Variants in SLC25A26 observed in about 807,000 individuals in gnomAD.
SLC25A26 encodes the protein mitochondrial S-adenosylmethionine carrier protein.
A neutral mutation model predicts 37.8 loss-of-function variants in SLC25A26; 36 were observed. That is an observed-to-expected ratio of 0.95 (90% CI 0.73 to 1.26). The LOEUF (loss-of-function observed/expected upper bound fraction) is 1.26. SLC25A26 is among the 50% of genes most tolerant of loss of function. SLC25A26 has a pLI of 0.00. For synonymous variants in SLC25A26, 129 were observed against 122.5 expected, an observed-to-expected ratio of 1.05 and a Z score of -0.35; for missense variants, 390 against 331.1, an observed-to-expected ratio of 1.18 and a Z score of -1.38.
intron 5 of SLC25A26, among the ~76,000 whole-genome samples, chr3:66,279,700 G>A (rs1299643472): frequency 6.6e-6 from 1 of 152,132 alleles, no homozygotes; most frequent in Non-Finnish European, 1.5e-5. Context: ...AAAGTATTTT[G>A]ATCTTATTAG....
chr3:66,175,855 T>G (rs542228945), intron 1 of SLC25A26, among the ~76,000 whole-genome samples: 59 of 152,346 alleles, frequency 3.9e-4, no homozygotes, highest in Middle Eastern at 6.8e-3. Flanking sequence ...CTCAGTGCAC[T>G]GGTTTAAATG....
intron 3 of SLC25A26, among the ~76,000 whole-genome samples, chr3:66,249,514 T>C (rs1292855887): frequency 6.6e-6 from 1 of 152,220 alleles, no homozygotes; most frequent in African/African-American, 2.4e-5. Flanking sequence ...CTACTTAATA[T>C]CATGCTTTAA....
In SLC25A26 at chr3:66,378,060, A is replaced by G; in HGVS notation, c.*253A>G. 1 of 384,928 alleles carries G rather than the reference A, an allele frequency of 2.6e-6. No individual in the cohort carries two copies. The highest frequency in any genetic ancestry group is 7.2e-5 in the South Asian group (1 of 13,960). The allele number at this position is 384,928 out of a possible 1,614,324, so 23.8% of individuals were successfully genotyped here. A position where few individuals can be genotyped will look rare whatever the true frequency, so the allele number is the denominator to read the frequency against. ...AACAATTTCCTCAGAACCTCTTAAT[A>G]AATAAGTTTGGTAATGCTGAGGCCA... On this transcript the variant is annotated 3_prime_UTR_variant, in exon 10 of 10. Coordinates refer to ENST00000354883, the MANE Select transcript of SLC25A26 (RefSeq NM_001379210.1).
At chr3:66,276,343 G>T (rs2074145685) in intron 5 of SLC25A26, among the ~76,000 whole-genome samples, 1 of 152,040 alleles carries the variant, frequency 6.6e-6, no homozygotes, top group Admixed American at 6.6e-5. Context: ...ATTACACTTT[G>T]CTTCCTGTTT....
intron 3 of SLC25A26, among the ~76,000 whole-genome samples, chr3:66,249,214 A>G (rs537883128): frequency 1.6e-4 from 24 of 151,946 alleles, no homozygotes; most frequent in Admixed American, 3.3e-4. Context: ...TGGAGTTAGA[A>G]TGAGGTTTTC....
intron 5 of SLC25A26, among the ~76,000 whole-genome samples, chr3:66,301,920 A>T (rs2107561394): frequency 6.6e-6 from 1 of 152,352 alleles, no homozygotes; most frequent in Admixed American, 6.5e-5. Context: ...AGATGAGAGT[A>T]ACAATAATAC....
In SLC25A26 at chr3:66,370,919, A is replaced by G. The variant is rs1004524019; in HGVS notation, c.707+317A>G. Among the ~76,000 whole-genome samples, 19 of 152,338 alleles carry G rather than the reference A, an allele frequency of 1.2e-4. No homozygotes were observed. In the East Asian group the frequency reaches 1.7e-3, roughly 14 times the overall value. On this transcript the variant is annotated intron_variant, in intron 9 of 9. Transcript: ENST00000354883. ...CAGAGGTTACACAGTGCAGAAATACAAGGGAGTGAAGGGAACATTGTTAGA... is the reference window on the plus strand; with the variant it reads ...CAGAGGTTACACAGTGCAGAAATACGAGGGAGTGAAGGGAACATTGTTAGA...
At chr3:66,213,619 T>A (rs2071318219) in intron 1 of SLC25A26, among the ~76,000 whole-genome samples, 1 of 152,168 alleles carries the variant, frequency 6.6e-6, no homozygotes, top group African/African-American at 2.4e-5. Context: ...TCAATGGACC[T>A]GCATTGAAAC....
chr3:66,178,662 G>A (rs540785449), intron 1 of SLC25A26, among the ~76,000 whole-genome samples: 2 of 152,238 alleles, frequency 1.3e-5, no homozygotes, highest in East Asian at 1.9e-4. Flanking sequence ...CATTCTGTAA[G>A]GTGTTGAGAT....
At chr3:66,366,938 A>G (rs1307373611) in intron 7 of SLC25A26, among the ~76,000 whole-genome samples, 2 of 152,236 alleles carry the variant, frequency 1.3e-5, no homozygotes, top group African/African-American at 2.4e-5. Context: ...CAAATAATCA[A>G]TGAAAGTGCC....
chr3:66,307,905 C>T (rs2075272355), intron 5 of SLC25A26, among the ~76,000 whole-genome samples: 1 of 152,076 alleles, frequency 6.6e-6, no homozygotes, highest in African/African-American at 2.4e-5. Context: ...TTGCTGTAGC[C>T]TTGTAGTATA....
rs1484763206 is a variant in SLC25A26 at position 66,175,130 on chromosome 3, TATATATATATAC to T, written c.-354+41148_-354+41159del. On this transcript the variant is annotated intron_variant, in intron 1 of 10. Transcript: ENST00000676754. ...GTGTGTATATATATATATATATATA[TATATATATATAC>T]ACACACACACACACACACATTATAT... Among the ~76,000 whole-genome samples, 83 of 93,606 alleles carry T rather than the reference TATATATATATAC, an allele frequency of 8.9e-4. 1 individual carries two copies. The highest frequency in any genetic ancestry group is 3.1e-3 in the South Asian group (9 of 2,930). The allele number at this position is 93,606 out of a possible 152,430, so 61.4% of individuals were successfully genotyped here.
chr3:66,287,295 CAAAA>C (rs532447022), intron 5 of SLC25A26, among the ~76,000 whole-genome samples: 2 of 92,144 alleles, frequency 2.2e-5, no homozygotes, highest in South Asian at 3.7e-4. Context: ...GACTCCGTCT[CAAAA>C]AAAAAAAAAA....
intron 1 of SLC25A26, among the ~76,000 whole-genome samples, chr3:66,222,819 C>A (rs1336397016): frequency 1.3e-5 from 2 of 152,180 alleles, no homozygotes; most frequent in Non-Finnish European, 2.9e-5. Context: ...TGCTAAAACA[C>A]AGGTGAGTGC....
chr3:66,323,669 C>G (rs1213245611), intron 5 of SLC25A26, among the ~76,000 whole-genome samples: 1 of 152,074 alleles, frequency 6.6e-6, no homozygotes, highest in African/African-American at 2.4e-5. Context: ...CAAAAATTAG[C>G]CGGGCCTAGT....
chr3:66,288,821 T>C (rs2074603625), intron 5 of SLC25A26, among the ~76,000 whole-genome samples: 4 of 152,194 alleles, frequency 2.6e-5, no homozygotes, highest in Admixed American at 2.6e-4. Context: ...GAATGATATA[T>C]AATCTGTTGG....
intron 5 of SLC25A26, among the ~76,000 whole-genome samples, chr3:66,312,549 CAG>C (rs1330438080): frequency 6.7e-6 from 1 of 148,736 alleles, no homozygotes; most frequent in African/African-American, 2.5e-5. Flanking sequence ...AAAGAAACAA[CAG>C]AAAAAAAAAA....
intron 5 of SLC25A26, among the ~76,000 whole-genome samples, chr3:66,314,921 A>AT (rs1190806408): frequency 2.6e-5 from 4 of 151,976 alleles, no homozygotes; most frequent in Admixed American, 2.6e-4. Flanking sequence ...TGAGGTGTTT[A>AT]TAGTATTCTC....
chr3:66,240,775 T>C (rs2072541547), intron 2 of SLC25A26, among the ~76,000 whole-genome samples: 1 of 145,088 alleles, frequency 6.9e-6, no homozygotes, highest in Non-Finnish European at 1.5e-5. Context: ...AGACAGAGTC[T>C]CACTCTTTCA....
Sources: gnomAD v4.1 joint callset for allele counts (sites outside exome capture counted in the v4.1 genomes callset) on GRCh38, gnomAD v4.1.1 for gene constraint, MANE v1.5 for transcripts, NCBI Gene and HGNC (gene_info 2026-07-23, HGNC 2026-07-21) for gene names.